Variants in SENP2 observed in about 807,000 individuals in gnomAD.
The protein encoded by SENP2 is SUMO specific peptidase 2.
In SENP2, 16 loss-of-function variants were observed where a neutral mutation model predicts 86.3. The observed-to-expected ratio is 0.19, with a 90% CI of 0.13 to 0.28. The LOEUF (loss-of-function observed/expected upper bound fraction) is 0.28. SENP2 is among the 10% of genes least tolerant of loss of function. SENP2 has a pLI of 1.00. For missense variants in SENP2, 552 were observed against 703.0 expected (o/e 0.79, Z 2.43); for synonymous variants, 222 against 238.7 (o/e 0.93, Z 0.64).
intron 2 of SENP2, among the ~76,000 whole-genome samples, chr3:185,590,677 C>A (rs1211457638): frequency 1.6e-4 from 24 of 149,824 alleles, no homozygotes; most frequent in Admixed American, 4.7e-4. Context: ...ACCAGCCTGG[C>A]CAACATGGTG....
At chr3:185,629,118 T>C (rs528820283) in intron 16 of SENP2, among the ~76,000 whole-genome samples, 155 of 152,294 alleles carry the variant, frequency 1.0e-3, no homozygotes, top group African/African-American at 3.6e-3. Context: ...AATACGTTTT[T>C]CTCATAAAAA....
chr3:185,606,218 C>G (rs752153181), intron 5 of SENP2, 112 bp from the exon 6 acceptor site: 21 of 905,028 alleles, frequency 2.3e-5, no homozygotes, highest in Admixed American at 1.4e-4. Context: ...TCTGACTTGC[C>G]AGGAGTAAGC....
At chr3:185,602,692 G>A (rs1376316306) in intron 5 of SENP2, among the ~76,000 whole-genome samples, 1 of 151,508 alleles carries the variant, frequency 6.6e-6, no homozygotes, top group African/African-American at 2.4e-5. Context: ...AAATTAGCTA[G>A]GTGTGGTGGC....
At chr3:185,595,818 T>G (rs1298239338) in intron 2 of SENP2, among the ~76,000 whole-genome samples, 2 of 146,360 alleles carry the variant, frequency 1.4e-5, no homozygotes, top group East Asian at 4.2e-4. Context: ...TTTTTTTTTT[T>G]GAGACAGGAT....
chr3:185,599,809 C>CTT (rs63047860), intron 4 of SENP2, among the ~76,000 whole-genome samples: 4 of 132,014 alleles, frequency 3.0e-5, no homozygotes, highest in African/African-American at 2.9e-5. Flanking sequence ...TTCTTTCTTT[C>CTT]TTTTTTTTTT....
intron 6 of SENP2, 40 bp from the exon 7 acceptor site, chr3:185,609,207 A>G: frequency 7.2e-7 from 1 of 1,388,510 alleles, no homozygotes. Context: ...TTATAAATTT[A>G]ATGTGCTGGT....
intron 7 of SENP2, among the ~76,000 whole-genome samples, chr3:185,610,591 A>C (rs1213976249): frequency 2.6e-5 from 4 of 152,212 alleles, no homozygotes; most frequent in Admixed American, 6.5e-5. Context: ...CATATGTTGG[A>C]AACAGCAGTA....
At chr3:185,614,397 TGCTCCCCC>T in intron 10 of SENP2, 159 bp from the exon 11 acceptor site, 1 of 637,554 alleles carries the variant, frequency 1.6e-6, no homozygotes, top group Admixed American at 3.5e-5. Flanking sequence ...GAGCTTTTTT[TGCTCCCCC>T]TTGCAGGGAC....
chr3:185,606,716 C>T, intron 6 of SENP2: 2 of 539,526 alleles, frequency 3.7e-6, no homozygotes, highest in South Asian at 2.3e-5. Flanking sequence ...TGCTATGAGA[C>T]CTAAAGTTCT....
At chr3:185,624,641 C>T (rs561132198) in intron 15 of SENP2, among the ~76,000 whole-genome samples, 115 of 152,012 alleles carry the variant, frequency 7.6e-4, no homozygotes, top group Non-Finnish European at 1.3e-3. Flanking sequence ...TTTGGGAGGC[C>T]GAGGTGGGCA....
At chr3:185,593,052 C>G (rs1722059773) in intron 2 of SENP2, among the ~76,000 whole-genome samples, 1 of 152,180 alleles carries the variant, frequency 6.6e-6, no homozygotes, top group South Asian at 2.1e-4. Flanking sequence ...CAATTTTCAG[C>G]TCATCGAGTC....
At chr3:185,624,352 C>T (rs1712043111) in intron 15 of SENP2, among the ~76,000 whole-genome samples, 1 of 151,890 alleles carries the variant, frequency 6.6e-6, no homozygotes, top group Non-Finnish European at 1.5e-5. Context: ...GCTTCTAAAT[C>T]TCTAGCAATT....
intron 2 of SENP2, among the ~76,000 whole-genome samples, chr3:185,597,044 G>A (rs1482169962): frequency 6.6e-6 from 1 of 151,946 alleles, no homozygotes; most frequent in Non-Finnish European, 1.5e-5. Context: ...TTTAGAGACG[G>A]GATTTCACCA....
intron 5 of SENP2, among the ~76,000 whole-genome samples, 186 bp downstream of exon 5, chr3:185,601,041 C>CTTTTTTTTTTTTTTTTTTTTTTTTTGT (rs11315344): frequency 1.3e-5 from 1 of 75,528 alleles, no homozygotes; most frequent in Non-Finnish European, 2.6e-5. Context: ...CTTTTCTTGT[C>CTTTTTTTTTTTTTTTTTTTTTTTTTGT]TTTTTTTTTT....
At chr3:185,592,651 C>G in intron 2 of SENP2, among the ~76,000 whole-genome samples, 1 of 147,748 alleles carries the variant, frequency 6.8e-6, no homozygotes, top group South Asian at 2.1e-4. Flanking sequence ...GAGTCTTGCT[C>G]TGTTGCTCAG....
intron 2 of SENP2, among the ~76,000 whole-genome samples, chr3:185,592,032 T>TTTTTTTTTTTTTTTA (rs1722023693): frequency 8.2e-6 from 1 of 122,088 alleles, no homozygotes. Flanking sequence ...TTTTTTTTTT[T>TTTTTTTTTTTTTTTA]TTGAGACAGG....
At chr3:185,597,784 G>C (rs528187264) in intron 2 of SENP2, among the ~76,000 whole-genome samples, 2 of 151,968 alleles carry the variant, frequency 1.3e-5, no homozygotes, top group East Asian at 3.9e-4. Context: ...CTCCTGAATA[G>C]GTGGGATTAT....
intron 5 of SENP2, among the ~76,000 whole-genome samples, chr3:185,605,043 C>T (rs530265784): frequency 9.9e-5 from 15 of 151,116 alleles, no homozygotes; most frequent in Non-Finnish European, 1.6e-4. Flanking sequence ...CGTGAGCCAC[C>T]GCGCCTGGCC....
intron 12 of SENP2, among the ~76,000 whole-genome samples, chr3:185,618,866 A>G (rs1711726010): frequency 1.3e-5 from 2 of 152,206 alleles, no homozygotes; most frequent in African/African-American, 4.8e-5. Flanking sequence ...GCGACAGGGC[A>G]AGACTCCGTC....
Sources: gnomAD v4.1 joint callset for allele counts (sites outside exome capture counted in the v4.1 genomes callset) on GRCh38, gnomAD v4.1.1 for gene constraint, MANE v1.5 for transcripts, NCBI Gene and HGNC (gene_info 2026-07-23, HGNC 2026-07-21) for gene names.